N4BP2: variants seen among roughly 807,000 people sequenced by gnomAD.
The protein encoded by N4BP2 is NEDD4-binding protein 2.
Under a neutral mutation model 152.8 loss-of-function variants are expected in N4BP2, and 91 were observed. That is an observed-to-expected ratio of 0.60 (90% CI 0.50 to 0.71). N4BP2 has a LOEUF of 0.71. Among genes scored for constraint, N4BP2 ranks in the 30% least tolerant of loss-of-function variants. The probability of loss-of-function intolerance (pLI) is 0.00; values close to 1 mark genes in which losing one functional copy is unlikely to be tolerated. For missense variants in N4BP2, 1,923 were observed against 2,059.1 expected, an observed-to-expected ratio of 0.93 and a Z score of 1.28; for synonymous variants, 646 against 705.3, an observed-to-expected ratio of 0.92 and a Z score of 1.33.
chr4:40,181,172 C>T, the N4BP2 span, among the ~76,000 whole-genome samples: 81 of 151,976 alleles, frequency 5.3e-4, 1 homozygote, highest in South Asian at 5.4e-3. Context: ...AATATATATA[C>T]ATTGGCCAAA....
chr4:40,067,943 G>A (rs965651262), intron 1 of N4BP2, among the ~76,000 whole-genome samples: 14 of 152,176 alleles, frequency 9.2e-5, no homozygotes, highest in Admixed American at 6.6e-4. Flanking sequence ...ACTTCCTAAA[G>A]TGCTGGGATT....
intron 2 of N4BP2, among the ~76,000 whole-genome samples, chr4:40,093,788 C>T (rs1046746079): frequency 4.6e-5 from 7 of 151,686 alleles, no homozygotes; most frequent in Non-Finnish European, 7.4e-5. Flanking sequence ...TTAGTAGAGA[C>T]GGGGTTTCAC....
intron 2 of N4BP2, chr4:40,078,080 G>A (rs749058383): frequency 2.0e-5 from 3 of 150,156 alleles, no homozygotes; most frequent in Non-Finnish European, 4.4e-5. Context: ...TTTTGAATTG[G>A]ATTTTAAAGC....
chr4:40,152,307 C>T (rs1232504384), intron 16 of N4BP2, among the ~76,000 whole-genome samples: 1 of 152,146 alleles, frequency 6.6e-6, no homozygotes, highest in Non-Finnish European at 1.5e-5. Context: ...GTCACACAGT[C>T]ATTTAGTGGC....
intron 8 of N4BP2, among the ~76,000 whole-genome samples, chr4:40,118,277 C>T (rs1057243751): frequency 3.3e-5 from 5 of 152,024 alleles, no homozygotes; most frequent in African/African-American, 4.8e-5. Flanking sequence ...ATTAGCCTGG[C>T]TGGTGGCGCA....
At chr4:40,059,846 G>A (rs912538429) in intron 1 of N4BP2, among the ~76,000 whole-genome samples, 21 of 152,158 alleles carry the variant, frequency 1.4e-4, no homozygotes, top group Non-Finnish European at 2.5e-4. Context: ...ACAACTCTGA[G>A]ATTTGCACTA....
intron 12 of N4BP2, among the ~76,000 whole-genome samples, chr4:40,130,699 T>TG (rs376579921): frequency 6.6e-6 from 1 of 152,254 alleles, no homozygotes; most frequent in Non-Finnish European, 1.5e-5. Context: ...GATAGGGTCT[T>TG]GCTGTGTTGC....
intron 1 of N4BP2, among the ~76,000 whole-genome samples, chr4:40,059,791 G>C (rs1375893705): frequency 6.6e-6 from 1 of 152,116 alleles, no homozygotes; most frequent in Non-Finnish European, 1.5e-5. Context: ...ATGCACACCA[G>C]GTGCTGTTTT....
chr4:40,144,275 A>G (rs1720306586), intron 15 of N4BP2, among the ~76,000 whole-genome samples: 1 of 152,152 alleles, frequency 6.6e-6, no homozygotes, highest in African/African-American at 2.4e-5. Flanking sequence ...CCTCACAGAG[A>G]CACCCAGAAA....
At chr4:40,165,003 C>T in the N4BP2 span, among the ~76,000 whole-genome samples, 1 of 152,042 alleles carries the variant, frequency 6.6e-6, no homozygotes, top group East Asian at 1.9e-4. Context: ...TTTCATTGTT[C>T]TGTCCTTTCT....
At chr4:40,090,639 G>A (rs1277408182) in intron 2 of N4BP2, among the ~76,000 whole-genome samples, 2 of 152,026 alleles carry the variant, frequency 1.3e-5, no homozygotes, top group Non-Finnish European at 2.9e-5. Context: ...CTTGCTTAAA[G>A]TTGTAGTTTA....
chr4:40,082,149 G>A (rs527686141), intron 2 of N4BP2, among the ~76,000 whole-genome samples: 1 of 151,786 alleles, frequency 6.6e-6, no homozygotes, highest in Non-Finnish European at 1.5e-5. Context: ...GGTAGCGAGC[G>A]CCTGTAGTCC....
chr4:40,179,763 T>C, the N4BP2 span, among the ~76,000 whole-genome samples: 22,277 of 138,986 alleles, frequency 0.16, 1,685 homozygotes, highest in South Asian at 0.25. Flanking sequence ...GCCTTTCTTT[T>C]TTTTTTTTTT....
chr4:40,110,954 A>G (rs375290380), intron 5 of N4BP2, among the ~76,000 whole-genome samples: 3 of 152,358 alleles, frequency 2.0e-5, no homozygotes, highest in African/African-American at 4.8e-5. Context: ...GTTGTGGTAC[A>G]TCATTAATTT....
rs573240051 is a variant in N4BP2, at chr4:40,065,910, T to C, written c.-211-7545T>C. On this transcript the variant is annotated intron_variant, in intron 1 of 17. Transcript: ENST00000261435. ...AGTAGAGTATTTTGCACATAGTTTCTGGACCTATAAAGATCCAGTAAAGCA... is the reference window on the plus strand; with the variant it reads ...AGTAGAGTATTTTGCACATAGTTTCCGGACCTATAAAGATCCAGTAAAGCA... Among the ~76,000 whole-genome samples, 10 of 151,760 alleles carry C rather than the reference T, an allele frequency of 6.6e-5. No individual in the cohort carries two copies. The South Asian group carries it at 2.1e-3, about 32-fold the overall frequency.
chr4:40,121,770 TA>T lies in N4BP2; in HGVS notation c.3660del (p.Ser1223ValfsTer6). On this transcript the variant is annotated frameshift_variant, in exon 9 of 18. Transcript: ENST00000261435. LOFTEE classifies it high-confidence loss of function. ...GAAAACCATGAATCGATGACAAGTATATTTCCCAGTGCTGCTGTGGGTCTAA... is the reference window on the plus strand; with the variant it reads ...GAAAACCATGAATCGATGACAAGTATTTTCCCAGTGCTGCTGTGGGTCTAA... ...TPENHESMTS[I>X]FPSAAVGLKN... is the part of the protein sequence containing the mutation. The T allele has an allele frequency of 6.2e-7, 1 of 1,613,958 alleles. No individual in the cohort carries two copies. The highest frequency in any genetic ancestry group is 8.5e-7 in the Non-Finnish European group (1 of 1,179,984).
At chr4:40,058,424 T>TG (rs1031864696) in intron 1 of N4BP2, among the ~76,000 whole-genome samples, 7 of 152,060 alleles carry the variant, frequency 4.6e-5, no homozygotes, top group Admixed American at 1.3e-4. Context: ...CGTGCTAGGA[T>TG]GGGGGGTAGG....
rs377188372 is a variant in N4BP2, at chr4:40,112,159, C to G, written c.1574C>G (p.Pro525Arg). The change falls in exon 6 of 18, where the codon CCA (proline) becomes CGA (arginine). Residue 525 changes from proline to arginine, a missense_variant. Transcript: ENST00000261435. ...NTNLQAWEMK[P>R]YVALSQKHKY... ...AACCTACAGGCATGGGAAATGAAACCATATGTTGCTTTGGTTAGTACCATA... is the reference window on the plus strand; with the variant it reads ...AACCTACAGGCATGGGAAATGAAACGATATGTTGCTTTGGTTAGTACCATA... 246 of 1,564,918 alleles carry G rather than the reference C, an allele frequency of 1.6e-4. No homozygotes were observed. Among genetic ancestry groups the G allele is most frequent in the Admixed American group, 1.3e-3 (71 of 55,766 alleles).
intron 7 of N4BP2, among the ~76,000 whole-genome samples, chr4:40,117,462 A>G (rs1717447714): frequency 6.6e-6 from 1 of 152,254 alleles, no homozygotes; most frequent in African/African-American, 2.4e-5. Context: ...AAAGCATAAC[A>G]TCTGGCCTCC....
Sources: gnomAD v4.1 joint callset for allele counts (sites outside exome capture counted in the v4.1 genomes callset) on GRCh38, gnomAD v4.1.1 for gene constraint, MANE v1.5 for transcripts, NCBI Gene and HGNC (gene_info 2026-07-23, HGNC 2026-07-21) for gene names.